Variants in NCKAP5 observed in about 807,000 individuals in gnomAD.
The protein encoded by NCKAP5 is nck-associated protein 5.
In NCKAP5, 92 loss-of-function variants were observed where a neutral mutation model predicts 167.0. The observed-to-expected ratio is 0.55, with a 90% confidence interval of 0.47 to 0.66. NCKAP5 has a LOEUF of 0.66. Among genes scored for constraint, NCKAP5 ranks in the 30% least tolerant of loss-of-function variants. The pLI, the probability that NCKAP5 is intolerant of heterozygous loss-of-function variation, is 0.00. For missense variants in NCKAP5, 2,378 were observed against 2,315.0 expected, an observed-to-expected ratio of 1.03 and a Z score of -0.56; for synonymous variants, 891 against 877.4, an observed-to-expected ratio of 1.02 and a Z score of -0.27.
intron 2 of NCKAP5, among the ~76,000 whole-genome samples, chr2:133,532,082 T>C (rs1320090695): frequency 1.3e-5 from 2 of 152,248 alleles, no homozygotes; most frequent in African/African-American, 2.4e-5. Context: ...TTAGTTTATG[T>C]ACATATGATA....
intron 16 of NCKAP5, among the ~76,000 whole-genome samples, chr2:132,742,242 A>T (rs923915954): frequency 6.6e-6 from 1 of 151,982 alleles, no homozygotes; most frequent in African/African-American, 2.4e-5. Flanking sequence ...GGTTTGGTGA[A>T]TTACATGGAC....
intron 8 of NCKAP5, among the ~76,000 whole-genome samples, chr2:132,900,946 A>G (rs2148909770): frequency 6.8e-6 from 1 of 147,090 alleles, no homozygotes; most frequent in East Asian, 2.0e-4. Flanking sequence ...AGACCGGGTG[A>G]CAGAGCAAGA....
intron 3 of NCKAP5, among the ~76,000 whole-genome samples, chr2:133,474,490 A>C (rs1227085628): frequency 6.6e-6 from 1 of 152,332 alleles, no homozygotes; most frequent in African/African-American, 2.4e-5. Context: ...ATTGTGCAAC[A>C]TGGTGAATAG....
At chr2:132,802,029 T>C (rs1685080286) in intron 11 of NCKAP5, among the ~76,000 whole-genome samples, 1 of 152,174 alleles carries the variant, frequency 6.6e-6, no homozygotes, top group Admixed American at 6.5e-5. Context: ...CCACCTGCCG[T>C]AGACTCCCGA....
At chr2:133,018,640 G>T (rs2078425592) in intron 6 of NCKAP5, among the ~76,000 whole-genome samples, 1 of 152,154 alleles carries the variant, frequency 6.6e-6, no homozygotes. Flanking sequence ...CACAGCAAGT[G>T]CTCTTATTGC....
intron 19 of NCKAP5, among the ~76,000 whole-genome samples, chr2:132,722,800 G>T (rs1244601806): frequency 6.6e-6 from 1 of 150,612 alleles, no homozygotes; most frequent in African/African-American, 2.4e-5. Context: ...CCAGTGAATT[G>T]TATTATGTTT....
rs570207619 is a variant in NCKAP5 at position 132,897,847 on chromosome 2, C to G, written c.580-18931G>C. 3.9e-5 allele frequency among the ~76,000 whole-genome samples: 6 copies of G among 152,330 alleles called. No individual in the cohort carries two copies. In the South Asian group the frequency reaches 1.2e-3, roughly 32 times the overall value. ...ATTGCTAAAAAATGCTAACGATTAT[C>G]TGAGCCTTCAGCATGCTGGAATCTT... is the stretch of plus-strand genomic sequence containing the variant. On this transcript the variant is annotated intron_variant, in intron 8 of 19. Coordinates refer to ENST00000409261, the MANE Select transcript of NCKAP5 (RefSeq NM_207363.3).
chr2:133,133,382 C>T (rs1015912743), intron 5 of NCKAP5, among the ~76,000 whole-genome samples: 3 of 152,166 alleles, frequency 2.0e-5, no homozygotes, highest in African/African-American at 7.2e-5. Context: ...TTCAATTCTT[C>T]CCATGTTCTT....
In NCKAP5 at chr2:133,364,093, TA is replaced by T. The variant is rs1164186861; in HGVS notation, c.70-60984del. ...CATCATCATCATCATCGTCATCATC[TA>T]ATCATCATTATTATTCCATCTTTAT... On this transcript the variant is annotated intron_variant, in intron 3 of 19. Transcript: ENST00000409261. Among the ~76,000 whole-genome samples, 17 of 152,338 alleles carry T rather than the reference TA, an allele frequency of 1.1e-4. No homozygotes were observed. In the East Asian group the frequency reaches 2.5e-3, roughly 22 times the overall value.
At chr2:133,366,707 T>G (rs1327022547) in intron 3 of NCKAP5, among the ~76,000 whole-genome samples, 1 of 152,196 alleles carries the variant, frequency 6.6e-6, no homozygotes, top group Non-Finnish European at 1.5e-5. Context: ...TTATACACAG[T>G]TCATAAGAGA....
At chr2:133,016,895 C>T (rs1306862957) in intron 6 of NCKAP5, among the ~76,000 whole-genome samples, 1 of 152,114 alleles carries the variant, frequency 6.6e-6, no homozygotes, top group Admixed American at 6.5e-5. Context: ...CAAATGAAAA[C>T]ACCTTTTAAT....
At chr2:132,712,541 A>T (rs1688965592) in intron 19 of NCKAP5, among the ~76,000 whole-genome samples, 1 of 152,074 alleles carries the variant, frequency 6.6e-6, no homozygotes, top group Non-Finnish European at 1.5e-5. Flanking sequence ...AGTCCCAGCT[A>T]CTCAGGAGGC....
intron 6 of NCKAP5, among the ~76,000 whole-genome samples, chr2:133,023,112 C>T (rs148332344): frequency 6.6e-6 from 1 of 152,298 alleles, no homozygotes; most frequent in African/African-American, 2.4e-5. Flanking sequence ...GAGGACACAG[C>T]TTACCCATGC....
intron 4 of NCKAP5, among the ~76,000 whole-genome samples, chr2:133,273,322 T>C (rs549660802): frequency 6.6e-6 from 1 of 152,288 alleles, no homozygotes; most frequent in Admixed American, 6.5e-5. Flanking sequence ...TGCTTATTGG[T>C]CATTTGTATG....
intron 18 of NCKAP5, among the ~76,000 whole-genome samples, chr2:132,726,499 C>T (rs768985292): frequency 5.3e-5 from 8 of 152,122 alleles, no homozygotes; most frequent in African/African-American, 1.2e-4. Flanking sequence ...GATCCAGGAG[C>T]GCAACTCCTA....
intron 5 of NCKAP5, among the ~76,000 whole-genome samples, chr2:133,148,908 T>G (rs555434576): frequency 7.9e-5 from 12 of 152,184 alleles, no homozygotes; most frequent in Admixed American, 1.3e-4. Flanking sequence ...CCATAACAAT[T>G]GCTCAGAATT....
chr2:133,460,805 T>C (rs1692155720), intron 3 of NCKAP5, among the ~76,000 whole-genome samples: 1 of 152,212 alleles, frequency 6.6e-6, no homozygotes, highest in South Asian at 2.1e-4. Flanking sequence ...TTTATTTTTG[T>C]ATTTAGACTA....
chr2:132,981,406 A>C (rs1032265844), intron 7 of NCKAP5, among the ~76,000 whole-genome samples: 2 of 152,138 alleles, frequency 1.3e-5, no homozygotes, highest in Non-Finnish European at 2.9e-5. Flanking sequence ...TGAGAACATG[A>C]GGGAAGGAGG....
intron 4 of NCKAP5, among the ~76,000 whole-genome samples, chr2:133,283,261 A>G (rs1235671651): frequency 2.0e-5 from 3 of 152,158 alleles, no homozygotes; most frequent in African/African-American, 7.2e-5. Context: ...GGTAAGATTG[A>G]CCATTTGAAG....
Sources: gnomAD v4.1 joint callset for allele counts (sites outside exome capture counted in the v4.1 genomes callset) on GRCh38, gnomAD v4.1.1 for gene constraint, MANE v1.5 for transcripts, NCBI Gene and HGNC (gene_info 2026-07-23, HGNC 2026-07-21) for gene names.